The following NRXN3 variants were observed in gnomAD, a reference collection of about 807,000 sequenced individuals.
NRXN3 encodes the protein neurexin 3, also known as neurexin III.
In NRXN3, 32 loss-of-function variants were observed where a neutral mutation model predicts 137.6. The observed-to-expected ratio is 0.23, with a 90% CI of 0.18 to 0.31. The LOEUF is 0.31. NRXN3 is among the 10% of genes least tolerant of loss of function. NRXN3 has a pLI of 1.00. For synonymous variants in NRXN3, 798 were observed against 784.5 expected (o/e 1.02, Z -0.29); for missense variants, 1,574 against 2,062.5 (o/e 0.76, Z 4.59).
intron 1 of NRXN3, among the ~76,000 whole-genome samples, chr14:78,199,559 C>T (rs546639884): frequency 6.6e-6 from 1 of 152,278 alleles, no homozygotes; most frequent in East Asian, 1.9e-4. Flanking sequence ...GAAAGCTTAA[C>T]TGACTGTCCC....
chr14:79,509,655 T>G (rs2153687808), intron 16 of NRXN3, among the ~76,000 whole-genome samples: 1 of 152,034 alleles, frequency 6.6e-6, no homozygotes, highest in Non-Finnish European at 1.5e-5. Context: ...CTAAAAAAGA[T>G]ATGTGAAGTG....
chr14:79,440,338 A>G (rs1161458055), intron 15 of NRXN3, among the ~76,000 whole-genome samples: 1 of 152,238 alleles, frequency 6.6e-6, no homozygotes, highest in Non-Finnish European at 1.5e-5. Context: ...TAAAATAGAA[A>G]TGCTAATATC....
intron 4 of NRXN3, among the ~76,000 whole-genome samples, chr14:78,323,461 G>A (rs1046660206): frequency 3.9e-5 from 6 of 152,024 alleles, no homozygotes; most frequent in South Asian, 2.1e-4. Context: ...AACCCCTGCC[G>A]TGCCTGCCCC....
At chr14:79,215,401 GTA>G (rs60155801) in intron 15 of NRXN3, among the ~76,000 whole-genome samples, 26,581 of 151,752 alleles carry the variant, frequency 0.18, 2,808 homozygotes, top group East Asian at 0.36. Flanking sequence ...GTGTGTGTGT[GTA>G]TATATATATA....
intron 11 of NRXN3, among the ~76,000 whole-genome samples, chr14:78,963,214 C>A (rs2099411586): frequency 6.6e-6 from 1 of 151,914 alleles, no homozygotes; most frequent in South Asian, 2.1e-4. Context: ...GCAGAATATC[C>A]CAACCCCTCA....
intron 4 of NRXN3, among the ~76,000 whole-genome samples, chr14:78,529,002 C>G (rs193217711): frequency 3.3e-5 from 5 of 152,256 alleles, no homozygotes; most frequent in South Asian, 2.1e-4. Flanking sequence ...CATGAAGAAA[C>G]TGGGGCCTAA....
At chr14:78,355,839 AG>A (rs1243239728) in intron 4 of NRXN3, among the ~76,000 whole-genome samples, 4 of 152,218 alleles carry the variant, frequency 2.6e-5, no homozygotes, top group Non-Finnish European at 5.9e-5. Flanking sequence ...AGGAGAGTTG[AG>A]GCATTCAGAG....
chr14:78,955,203 T>A (rs2099394655), intron 10 of NRXN3, among the ~76,000 whole-genome samples: 1 of 152,164 alleles, frequency 6.6e-6, no homozygotes, highest in African/African-American at 2.4e-5. Flanking sequence ...GCATGTAGAA[T>A]AAAGAGGATA....
chr14:78,893,940 G>A (rs955688048), intron 10 of NRXN3, among the ~76,000 whole-genome samples: 1 of 151,884 alleles, frequency 6.6e-6, no homozygotes, highest in African/African-American at 2.4e-5. Context: ...ATAGAATGAT[G>A]TCTAAAATAA....
chr14:78,754,461 G>A (rs1595534683), intron 8 of NRXN3, among the ~76,000 whole-genome samples: 1 of 152,250 alleles, frequency 6.6e-6, no homozygotes, highest in Non-Finnish European at 1.5e-5. Flanking sequence ...TCAATGCCTA[G>A]GATATGTCTT....
chr14:79,491,160 A>G (rs2153656832), intron 16 of NRXN3, among the ~76,000 whole-genome samples: 1 of 152,258 alleles, frequency 6.6e-6, no homozygotes. Context: ...TTTTCAAGTC[A>G]GAATCCAAAA....
chr14:78,419,918 T>C (rs1254249595), intron 4 of NRXN3, among the ~76,000 whole-genome samples: 2 of 151,758 alleles, frequency 1.3e-5, no homozygotes, highest in Non-Finnish European at 2.9e-5. Flanking sequence ...GTGTGTGTAA[T>C]GTATATATAT....
chr14:78,270,515 T>C (rs2072552035), intron 2 of NRXN3, among the ~76,000 whole-genome samples: 4 of 152,202 alleles, frequency 2.6e-5, no homozygotes, highest in Admixed American at 2.6e-4. Context: ...TGTGGGAGAC[T>C]ACTGCAGGTG....
Position 79,863,897 on chromosome 14 carries a change from T to C in NRXN3, c.*1933T>C, listed in dbSNP as rs1173902742. The stretch of plus-strand genomic sequence containing the variant: ...ATGAATATTTGACTTTGAAAAAATA[T>C]CTTAACGACATGGGGCAAAAAGTGC... On this transcript the variant is annotated 3_prime_UTR_variant, in exon 21 of 21. Transcript: ENST00000335750. 1 of 152,542 alleles carries C rather than the reference T, an allele frequency of 6.6e-6. No individual in the cohort carries two copies. Among genetic ancestry groups the C allele is most frequent in the Non-Finnish European group, 1.5e-5 (1 of 68,048 alleles). The allele number at this position is 152,542 out of a possible 1,614,324, so 9.4% of individuals were successfully genotyped here.
Position 79,813,107 on chromosome 14 carries a change from C to A in NRXN3, c.4093+7917C>A, listed in dbSNP as rs540990359. 2.0e-5 allele frequency among the ~76,000 whole-genome samples: 3 copies of A among 152,086 alleles called. No homozygotes were observed. In the East Asian group the frequency reaches 5.8e-4, roughly 30 times the overall value. ...ACTAATGTAACCAGAGATTAACAGC[C>A]CCTACCATCAGTCATGTGTTTACAC... On this transcript the variant is annotated intron_variant, in intron 20 of 20. Transcript: ENST00000335750.
chr14:79,561,839 G>T (rs143003821), intron 16 of NRXN3, among the ~76,000 whole-genome samples: 5 of 152,080 alleles, frequency 3.3e-5, no homozygotes, highest in Admixed American at 1.3e-4. Flanking sequence ...AAGGAGCTTC[G>T]AAAGACTGAA....
chr14:79,730,191 C>A (rs1369069066), intron 19 of NRXN3, among the ~76,000 whole-genome samples: 1 of 151,980 alleles, frequency 6.6e-6, no homozygotes, highest in African/African-American at 2.4e-5. Context: ...TGACAAGGTG[C>A]CAAAAATCTA....
At chr14:79,091,809 T>A in intron 15 of NRXN3, among the ~76,000 whole-genome samples, 1 of 151,914 alleles carries the variant, frequency 6.6e-6, no homozygotes, top group Non-Finnish European at 1.5e-5. Flanking sequence ...GGAACAAAAG[T>A]GAATGATTAG....
intron 4 of NRXN3, among the ~76,000 whole-genome samples, chr14:78,359,871 G>A (rs2084866409): frequency 6.6e-6 from 1 of 152,122 alleles, no homozygotes; most frequent in African/African-American, 2.4e-5. Context: ...CGCTGTGGTT[G>A]CCCTGCACCC....
Sources: allele counts gnomAD v4.1 joint callset (sites outside exome capture counted in the v4.1 genomes callset), GRCh38; gene constraint gnomAD v4.1.1; transcripts MANE v1.5; gene names NCBI Gene and HGNC (gene_info 2026-07-23, HGNC 2026-07-21).